The following MAGI2 variants were observed in gnomAD, a reference collection of about 807,000 sequenced individuals.
MAGI2 encodes membrane associated guanylate kinase, WW and PDZ domain containing 2.
A neutral mutation model predicts 133.3 loss-of-function variants in MAGI2; 35 were observed. That is an observed-to-expected ratio of 0.26 (90% CI 0.20 to 0.35). MAGI2 has a LOEUF of 0.35. Ranked by LOEUF, MAGI2 falls within the 10% of genes least tolerant of loss-of-function variation. MAGI2 has a pLI of 1.00. For synonymous variants in MAGI2, 729 were observed against 710.6 expected (o/e 1.03, Z -0.41); for missense variants, 1,636 against 1,863.4 (o/e 0.88, Z 2.25).
At chr7:78,932,751 C>T (rs554535881) in intron 2 of MAGI2, among the ~76,000 whole-genome samples, 1 of 152,188 alleles carries the variant, frequency 6.6e-6, no homozygotes, top group East Asian at 1.9e-4. Context: ...AAAGCATCTG[C>T]TGATCATGAA....
intron 2 of MAGI2, among the ~76,000 whole-genome samples, chr7:78,706,342 A>G (rs1377925143): frequency 6.6e-6 from 1 of 151,754 alleles, no homozygotes; most frequent in East Asian, 1.9e-4. Context: ...TCTTGCCACC[A>G]TCATATAAGA....
intron 10 of MAGI2, among the ~76,000 whole-genome samples, chr7:78,204,737 G>C (rs1341999899): frequency 6.6e-6 from 1 of 151,982 alleles, no homozygotes; most frequent in African/African-American, 2.4e-5. Flanking sequence ...ATTTAATCTT[G>C]CGTCTTATGA....
At chr7:78,080,920 A>G (rs1815890476) in intron 20 of MAGI2, among the ~76,000 whole-genome samples, 2 of 152,112 alleles carry the variant, frequency 1.3e-5, no homozygotes, top group African/African-American at 4.8e-5. Flanking sequence ...AGCTCAATTC[A>G]GGCCTTTACA....
At chr7:79,015,258 C>T (rs1008325085) in intron 1 of MAGI2, among the ~76,000 whole-genome samples, 20 of 151,822 alleles carry the variant, frequency 1.3e-4, no homozygotes, top group Non-Finnish European at 1.5e-5. Context: ...AGTTCCAGGT[C>T]AGCCTGGGCA....
chr7:78,228,730 G>A (rs183231211), intron 10 of MAGI2, among the ~76,000 whole-genome samples: 147 of 151,990 alleles, frequency 9.7e-4, no homozygotes, highest in African/African-American at 3.4e-3. Context: ...ATATTTATGG[G>A]GAAGGAAAAA....
chr7:78,366,194 C>T (rs1327299656), intron 7 of MAGI2, among the ~76,000 whole-genome samples: 1 of 151,972 alleles, frequency 6.6e-6, no homozygotes, highest in Non-Finnish European at 1.5e-5. Flanking sequence ...TATATATTAA[C>T]ACAAAAGATA....
intron 6 of MAGI2, among the ~76,000 whole-genome samples, chr7:78,412,799 A>G (rs1168676067): frequency 1.3e-5 from 2 of 152,074 alleles, no homozygotes; most frequent in East Asian, 1.9e-4. Context: ...TTAAACCTAA[A>G]TTGTTTTATA....
intron 2 of MAGI2, among the ~76,000 whole-genome samples, chr7:78,970,510 A>G (rs987436): frequency 0.58 from 87,707 of 151,988 alleles, 25,799 homozygotes; most frequent in East Asian, 0.73. Flanking sequence ...AAATTCCTAT[A>G]TGATAGTTCA....
At chr7:78,224,849 ATGTCTCTAC>A (rs778477986) in intron 10 of MAGI2, among the ~76,000 whole-genome samples, 1 of 152,036 alleles carries the variant, frequency 6.6e-6, no homozygotes, top group Non-Finnish European at 1.5e-5. Context: ...TTGGAAGTCC[ATGTCTCTAC>A]CGTCACTCAG....
At chr7:78,286,751 T>C (rs1258719496) in intron 9 of MAGI2, among the ~76,000 whole-genome samples, 3 of 152,068 alleles carry the variant, frequency 2.0e-5, no homozygotes, top group Admixed American at 6.5e-5. Context: ...GCCCCAAGCA[T>C]TGGTTCTGAA....
chr7:78,279,980 C>G (rs1181224676), intron 9 of MAGI2, among the ~76,000 whole-genome samples: 1 of 152,138 alleles, frequency 6.6e-6, no homozygotes, highest in East Asian at 1.9e-4. Context: ...GCAAACTCAG[C>G]TTAAACATGG....
chr7:79,214,407 C>CTCTCTCTCTCTCTA (rs1554406633), intron 1 of MAGI2, among the ~76,000 whole-genome samples: 1 of 17,718 alleles, frequency 5.6e-5, no homozygotes, highest in Non-Finnish European at 9.4e-5. Flanking sequence ...CTCTCTCTCT[C>CTCTCTCTCTCTCTA]TATATATATA....
chr7:79,120,762 A>G (rs1009100241), intron 1 of MAGI2, among the ~76,000 whole-genome samples: 4 of 152,084 alleles, frequency 2.6e-5, no homozygotes, highest in African/African-American at 7.2e-5. Flanking sequence ...CTAGGGTTCT[A>G]TATACGGTAT....
chr7:78,331,577 A>T (rs1463695450), intron 9 of MAGI2, among the ~76,000 whole-genome samples: 4 of 152,198 alleles, frequency 2.6e-5, no homozygotes, highest in Non-Finnish European at 5.9e-5. Context: ...AACACCTCTC[A>T]CTAATATAGT....
At chr7:79,232,551 T>C (rs1284099936) in intron 1 of MAGI2, among the ~76,000 whole-genome samples, 137 of 112,786 alleles carry the variant, frequency 1.2e-3, no homozygotes, top group African/African-American at 4.8e-3. Flanking sequence ...AATTTATCCA[T>C]TTCTTCTAGA....
At chr7:78,257,800 T>A (rs1256891223) in intron 9 of MAGI2, among the ~76,000 whole-genome samples, 2 of 152,150 alleles carry the variant, frequency 1.3e-5, no homozygotes, top group Non-Finnish European at 2.9e-5. Flanking sequence ...TGAAGAGACA[T>A]GTTTTCACAG....
At chr7:78,202,756 T>C (rs1829377048) in intron 10 of MAGI2, among the ~76,000 whole-genome samples, 1 of 151,308 alleles carries the variant, frequency 6.6e-6, no homozygotes, top group East Asian at 1.9e-4. Context: ...GAACCTAGAG[T>C]TACACTTAAT....
chr7:79,235,080 G>T (rs896213244), intron 1 of MAGI2, among the ~76,000 whole-genome samples: 8 of 151,788 alleles, frequency 5.3e-5, no homozygotes, highest in South Asian at 4.2e-4. Flanking sequence ...GCCCCTGCTG[G>T]GGGGTGCCTC....
At chr7:78,424,177 C>G (rs1179902890) in intron 6 of MAGI2, among the ~76,000 whole-genome samples, 1 of 152,132 alleles carries the variant, frequency 6.6e-6, no homozygotes, top group Admixed American at 6.5e-5. Context: ...ACTTGGTGCC[C>G]TGTGTCCCAG....
Sources: gnomAD v4.1 joint callset for allele counts (sites outside exome capture counted in the v4.1 genomes callset) on GRCh38, gnomAD v4.1.1 for gene constraint, MANE v1.5 for transcripts, NCBI Gene and HGNC (gene_info 2026-07-23, HGNC 2026-07-21) for gene names.